ZNF729: variants seen among roughly 807,000 people sequenced by gnomAD.
ZNF729 encodes zinc finger protein 729.
ZNF729 carries 15 observed loss-of-function variants against 12.2 expected under a neutral mutation model. The ratio of observed to expected loss-of-function variants is 1.23; its 90% CI spans 0.82 to 1.89. The LOEUF (loss-of-function observed/expected upper bound fraction) is 1.89. ZNF729 is among the 40% of genes most tolerant of loss of function. ZNF729 has a pLI of 0.00. For missense variants in ZNF729, 1,540 were observed against 1,456.7 expected (o/e 1.06, Z -0.93); for synonymous variants, 492 against 476.3 (o/e 1.03, Z -0.43).
Position 22,313,848 on chromosome 19 carries a change from A to G in ZNF729, c.431A>G (p.Gln144Arg), listed in dbSNP as rs765577392. ...AAAGAAGGTTATAATAAACTTAACCAATGCAGGACAGCTACCCAGAGAAAA... is the reference window on the plus strand; with the variant it reads ...AAAGAAGGTTATAATAAACTTAACCGATGCAGGACAGCTACCCAGAGAAAA... The part of the protein sequence containing the change: ...MHKEGYNKLN[Q>R]CRTATQRKIF... The change falls in exon 4 of 4, where the codon CAA (glutamine) becomes CGA (arginine). Residue 144 changes from glutamine (Q) to arginine (R), a missense_variant. Coordinates refer to ENST00000601693, the MANE Select transcript of ZNF729 (RefSeq NM_001242680.2). 1.5e-5 allele frequency: 24 copies of G among 1,571,940 alleles called. No individual in the cohort carries two copies. The Admixed American group carries it at 4.6e-4, about 30-fold the overall frequency.
chr19:22,302,524 A>G (rs1403200821), intron 1 of ZNF729, among the ~76,000 whole-genome samples: 5 of 42,840 alleles, frequency 1.2e-4, no homozygotes, highest in Admixed American at 2.3e-4. Context: ...CCTAGGAACC[A>G]TAAAAGACTG....
In ZNF729 at chr19:22,314,930, A is replaced by G. The variant is rs770601049; in HGVS notation, c.1513A>G (p.Arg505Gly). 6.2e-7 allele frequency: 1 copy of G among 1,612,732 alleles called. No homozygotes were observed. The highest frequency in any genetic ancestry group is 2.2e-5 in the East Asian group (1 of 44,776). ...TTTTAACCATTTCTCAGACCTTAGA[A>G]GACATAAGATAATTCATACTGGAAA... ...KAFNHFSDLR[R>G]HKIIHTGKKP... The change falls in exon 4 of 4, where the codon AGA becomes GGA. Residue 505 changes from arginine to glycine, a missense_variant. Coordinates refer to ENST00000601693, the MANE Select transcript of ZNF729 (RefSeq NM_001242680.2).
intron 1 of ZNF729, among the ~76,000 whole-genome samples, chr19:22,291,562 C>T (rs1968154278): frequency 6.6e-6 from 1 of 152,144 alleles, no homozygotes; most frequent in Non-Finnish European, 1.5e-5. Flanking sequence ...GCAGCAGCAA[C>T]CTGTTTTCTC....
At chr19:22,301,767 T>G (rs1364255393) in intron 1 of ZNF729, among the ~76,000 whole-genome samples, 10 of 152,298 alleles carry the variant, frequency 6.6e-5, no homozygotes, top group Admixed American at 1.3e-4. Flanking sequence ...GAGTGAGAGA[T>G]CAAGGCCACA....
At chr19:22,307,294 C>T (rs1233555549) in intron 3 of ZNF729, among the ~76,000 whole-genome samples, 1 of 146,624 alleles carries the variant, frequency 6.8e-6, no homozygotes, top group Non-Finnish European at 1.5e-5. Flanking sequence ...GCATGAGCCA[C>T]TGTGCGTGTC....
At chr19:22,302,922 G>T (rs986684015) in intron 1 of ZNF729, among the ~76,000 whole-genome samples, 2 of 152,024 alleles carry the variant, frequency 1.3e-5, no homozygotes, top group African/African-American at 4.8e-5. Context: ...CCAGAATAGC[G>T]TGCCACCATG....
At chr19:22,293,465 C>T (rs57588147) in intron 1 of ZNF729, among the ~76,000 whole-genome samples, 3,212 of 149,682 alleles carry the variant, frequency 0.021, 102 homozygotes, top group African/African-American at 0.075. Flanking sequence ...GGATTACAGG[C>T]GTGAGCCACC....
chr19:22,296,467 T>C (rs1968231564), intron 1 of ZNF729, among the ~76,000 whole-genome samples: 1 of 145,896 alleles, frequency 6.9e-6, no homozygotes, highest in Admixed American at 7.0e-5. Flanking sequence ...GGGTCAGTGA[T>C]AATTTCTCTT....
chr19:22,309,079 G>T (rs1453536933), intron 3 of ZNF729, among the ~76,000 whole-genome samples: 2 of 152,110 alleles, frequency 1.3e-5, no homozygotes, highest in East Asian at 3.9e-4. Context: ...GTTGATTTTT[G>T]TATAAAGTAA....
At chr19:22,296,144 A>AT (rs1182920300) in intron 1 of ZNF729, among the ~76,000 whole-genome samples, 1 of 152,146 alleles carries the variant, frequency 6.6e-6, no homozygotes, top group Non-Finnish European at 1.5e-5. Flanking sequence ...GTTTCTATAT[A>AT]ACGAGCTAAG....
chr19:22,289,012 ATC>A (rs1393870981), intron 1 of ZNF729, among the ~76,000 whole-genome samples: 5 of 152,054 alleles, frequency 3.3e-5, no homozygotes, highest in South Asian at 2.1e-4. Context: ...GAGTGGGAGA[ATC>A]TCTCAAGTGA....
At chr19:22,298,005 C>CAA (rs34435303) in intron 1 of ZNF729, among the ~76,000 whole-genome samples, 684 of 67,146 alleles carry the variant, frequency 0.01, 1 homozygote, top group East Asian at 0.021. Context: ...AACTCCATCT[C>CAA]AAAAAAAAAA....
intron 1 of ZNF729, 99 bp downstream of exon 1, chr19:22,286,654 C>A: frequency 6.9e-7 from 1 of 1,440,510 alleles, no homozygotes; most frequent in Non-Finnish European, 9.8e-7. Flanking sequence ...GCAGTCAGCT[C>A]CACAATCTGC....
Position 22,316,397 on chromosome 19 carries a change from T to C in ZNF729, c.2980T>C (p.Cys994Arg), listed in dbSNP as rs759217492. ...TCATACTGGGGAGAAACCCTACAAA[T>C]GCGAAGAATGTGGCAAAGATTTTAA... ...AIHTGEKPYK[C>R]EECGKDFNNS... Residue 994 changes from cysteine (C) to arginine (R), a missense_variant, in exon 4 of 4, where the codon TGC becomes CGC. Transcript: ENST00000601693. 2 of 1,613,706 alleles carry C rather than the reference T, an allele frequency of 1.2e-6. No homozygotes were observed. The highest frequency in any genetic ancestry group is 1.7e-6 in the Non-Finnish European group (2 of 1,179,736).
chr19:22,303,729 G>A (rs759965351), intron 1 of ZNF729, 29 bp from the exon 2 acceptor site: 1 of 1,516,226 alleles, frequency 6.6e-7, no homozygotes, highest in Non-Finnish European at 8.9e-7. Context: ...CTTGGGAAAT[G>A]TATATGTGTC....
intron 3 of ZNF729, among the ~76,000 whole-genome samples, chr19:22,311,265 G>T (rs2145055939): frequency 6.6e-6 from 1 of 151,772 alleles, no homozygotes; most frequent in South Asian, 2.1e-4. Context: ...TGTTTCTCTA[G>T]TTCTTTGAGG....
chr19:22,306,756 ATTGTGTATTCAGAT>A (rs1968383068), intron 3 of ZNF729, among the ~76,000 whole-genome samples: 1 of 151,370 alleles, frequency 6.6e-6, no homozygotes, highest in South Asian at 2.1e-4. Flanking sequence ...ATTATTTCAT[ATTGTGTATTCAGAT>A]TTATGCAGAT....
chr19:22,314,044 A>G lies in ZNF729; in HGVS notation c.627A>G (p.Lys209=), dbSNP rs1280317187. ...KRIHIRQNIY[K]CEERGKAFKS... ...TTCATATTAGACAGAATATCTACAA[A>G]TGTGAAGAACGTGGCAAAGCCTTTA... The change falls in exon 4 of 4, where the codon AAA becomes AAG. Residue 209 remains lysine, a synonymous_variant. Coordinates refer to ENST00000601693, the MANE Select transcript of ZNF729 (RefSeq NM_001242680.2). 3 of 1,541,962 alleles carry G rather than the reference A, an allele frequency of 1.9e-6. No homozygotes were observed. Among genetic ancestry groups the G allele is most frequent in the East Asian group, 4.9e-5 (2 of 40,888 alleles).
intron 1 of ZNF729, among the ~76,000 whole-genome samples, chr19:22,296,890 G>T (rs1252261262): frequency 6.6e-6 from 1 of 151,888 alleles, no homozygotes; most frequent in African/African-American, 2.4e-5. Context: ...GTGATTGTAT[G>T]GTTTCAAGTG....
Sources: gnomAD v4.1 joint callset for allele counts (sites outside exome capture counted in the v4.1 genomes callset) on GRCh38, gnomAD v4.1.1 for gene constraint, MANE v1.5 for transcripts, NCBI Gene and HGNC (gene_info 2026-07-23, HGNC 2026-07-21) for gene names.